Variants in ACP7 observed in about 807,000 individuals in gnomAD.
The protein encoded by ACP7 is acid phosphatase type 7.
A neutral mutation model predicts 60.6 loss-of-function variants in ACP7; 58 were observed. The observed-to-expected ratio is 0.96, with a 90% CI of 0.77 to 1.19. ACP7 has a LOEUF of 1.19. Ranked by LOEUF, ACP7 falls within the 50% of genes most tolerant of loss-of-function variation. The pLI is 0.00. For missense variants in ACP7, 574 were observed against 596.2 expected, an observed-to-expected ratio of 0.96 and a Z score of 0.39; for synonymous variants, 237 against 232.6, an observed-to-expected ratio of 1.02 and a Z score of -0.17.
At chr19:39,109,996 G>T in intron 12 of ACP7, 57 bp from the exon 13 acceptor site, 1 of 1,549,312 alleles carries the variant, frequency 6.5e-7, no homozygotes, top group Non-Finnish European at 8.9e-7. Flanking sequence ...CAGGCCATGT[G>T]GCCCCAGAGT....
intron 2 of ACP7, among the ~76,000 whole-genome samples, chr19:39,096,360 C>T (rs114820229): frequency 0.029 from 4,445 of 152,234 alleles, 197 homozygotes; most frequent in African/African-American, 0.1. Context: ...AGGGCAGGGG[C>T]AAAATCCACC....
At chr19:39,104,436 C>T (rs951477453) in intron 11 of ACP7, among the ~76,000 whole-genome samples, 1 of 152,162 alleles carries the variant, frequency 6.6e-6, no homozygotes, top group African/African-American at 2.4e-5. Flanking sequence ...TACCAGAATC[C>T]CTGGCATTGA....
chr19:39,103,877 G>A (rs1203559513), intron 11 of ACP7, among the ~76,000 whole-genome samples: 1 of 151,848 alleles, frequency 6.6e-6, no homozygotes, highest in Non-Finnish European at 1.5e-5. Flanking sequence ...TGCCCAGGCT[G>A]GTCTCGAATT....
chr19:39,091,648 C>T (rs1189205030), intron 2 of ACP7, among the ~76,000 whole-genome samples: 1 of 152,062 alleles, frequency 6.6e-6, no homozygotes, highest in South Asian at 2.1e-4. Flanking sequence ...ACCTGGTTGG[C>T]CACAGTGGCT....
At chr19:39,102,721 T>TTCTTTCTTTCTTTCTTTCTTTC (rs2073363076) in intron 11 of ACP7, among the ~76,000 whole-genome samples, 1 of 71,394 alleles carries the variant, frequency 1.4e-5, no homozygotes, top group African/African-American at 5.1e-5. Flanking sequence ...AGACTTTTCT[T>TTCTTTCTTTCTTTCTTTCTTTC]TCTTTCTTTC....
At chr19:39,102,765 TTCTC>T (rs149280504) in intron 11 of ACP7, among the ~76,000 whole-genome samples, 4 of 107,338 alleles carry the variant, frequency 3.7e-5, no homozygotes, top group African/African-American at 1.2e-4. Context: ...CTTTCTTTCT[TTCTC>T]TCTCTCTCTC....
intron 2 of ACP7, among the ~76,000 whole-genome samples, chr19:39,085,691 G>A (rs1409428227): frequency 6.6e-6 from 1 of 152,202 alleles, no homozygotes; most frequent in African/African-American, 2.4e-5. Flanking sequence ...GTTCGTTCAT[G>A]CACGGTAGGC....
intron 2 of ACP7, among the ~76,000 whole-genome samples, 191 bp downstream of exon 2, chr19:39,085,581 G>A (rs145646020): frequency 6.6e-6 from 1 of 152,306 alleles, no homozygotes; most frequent in Non-Finnish European, 1.5e-5. Context: ...GAATGATCAT[G>A]GTGCTCAGCC....
intron 11 of ACP7, among the ~76,000 whole-genome samples, chr19:39,101,862 T>C (rs1287899994): frequency 6.6e-6 from 1 of 150,720 alleles, no homozygotes; most frequent in African/African-American, 2.5e-5. Context: ...TCCTAGCACT[T>C]TGGGAGGCCG....
chr19:39,100,386 G>T (rs1206324052), intron 5 of ACP7, 36 bp downstream of exon 5: 1 of 1,610,584 alleles, frequency 6.2e-7, no homozygotes, highest in African/African-American at 1.3e-5. Flanking sequence ...GGCGAGGGCT[G>T]GATCAATGGA....
At chr19:39,094,343 AAAT>A (rs1198783842) in intron 2 of ACP7, among the ~76,000 whole-genome samples, 1 of 151,948 alleles carries the variant, frequency 6.6e-6, no homozygotes, top group African/African-American at 2.4e-5. Context: ...TCTCTACTAA[AAAT>A]ACAAAAATTA....
intron 2 of ACP7, among the ~76,000 whole-genome samples, chr19:39,092,771 C>CTTTTT (rs67888880): frequency 3.3e-4 from 38 of 114,662 alleles, no homozygotes; most frequent in Non-Finnish European, 3.6e-4. Context: ...TCCCATTCCT[C>CTTTTT]TTTTTTTTTT....
chr19:39,088,647 G>T (rs1461967826), intron 2 of ACP7, among the ~76,000 whole-genome samples: 2 of 152,190 alleles, frequency 1.3e-5, no homozygotes, highest in African/African-American at 4.8e-5. Flanking sequence ...CTCACAGCAG[G>T]GGAAGAGTCT....
chr19:39,087,607 C>A (rs2073156911), intron 2 of ACP7, among the ~76,000 whole-genome samples: 1 of 149,680 alleles, frequency 6.7e-6, no homozygotes, highest in African/African-American at 2.5e-5. Context: ...ACCACAGGGG[C>A]ATGACACCAT....
At chr19:39,088,565 C>T (rs558411200) in intron 2 of ACP7, among the ~76,000 whole-genome samples, 4 of 152,154 alleles carry the variant, frequency 2.6e-5, no homozygotes, top group Non-Finnish European at 5.9e-5. Flanking sequence ...GTGCTTTAGA[C>T]GGATAACTCA....
At position 39,100,274 on chromosome 19, in the gene ACP7, A is replaced by G. The variant is rs991392137; in HGVS notation, c.553A>G (p.Arg185Gly). 3 of 1,614,068 alleles carry G rather than the reference A, an allele frequency of 1.9e-6. No individual in the cohort carries two copies. The East Asian group carries it at 6.7e-5, about 36-fold the overall frequency. Reference protein sequence around the residue: ...LDQDNARVGDRFMRLIEPVAA... With the variant: ...LDQDNARVGDGFMRLIEPVAA... ...TCAGGACAACGCCCGTGTTGGGGAT[A>G]GGTTCATGCGGCTCATTGAACCCGT... The change falls in exon 5 of 13, where the codon AGG becomes GGG. Residue 185 changes from arginine to glycine, a missense_variant. Physicochemically the swap from Arg to Gly is moderately radical, Grantham distance 125. Transcript: ENST00000331256.
At chr19:39,087,529 A>G (rs543817206) in intron 2 of ACP7, among the ~76,000 whole-genome samples, 3 of 151,222 alleles carry the variant, frequency 2.0e-5, no homozygotes, top group Non-Finnish European at 4.4e-5. Flanking sequence ...TAGCACAAAC[A>G]TGGCTCACTG....
intron 12 of ACP7, 62 bp downstream of exon 12, chr19:39,107,146 C>G: frequency 6.6e-7 from 1 of 1,521,402 alleles, no homozygotes. Flanking sequence ...AGCAAATGAG[C>G]TGTTAAAAAC....
chr19:39,100,695 C>T, intron 6 of ACP7, 44 bp from the exon 7 acceptor site: 1 of 1,612,310 alleles, frequency 6.2e-7, no homozygotes, highest in Non-Finnish European at 8.5e-7. Context: ...ATGGGAGATG[C>T]AGGGGAGCCC....
Sources: gnomAD v4.1 joint callset for allele counts (sites outside exome capture counted in the v4.1 genomes callset) on GRCh38, gnomAD v4.1.1 for gene constraint, MANE v1.5 for transcripts, NCBI Gene and HGNC (gene_info 2026-07-23, HGNC 2026-07-21) for gene names.